MREG: variants seen among roughly 807,000 people sequenced by gnomAD.
MREG encodes dilute suppressor protein homolog.
MREG carries 31 observed loss-of-function variants against 28.5 expected under a neutral mutation model. That is an observed-to-expected ratio of 1.09 (90% CI 0.82 to 1.47). The LOEUF is 1.47. MREG is among the 40% of genes most tolerant of loss of function. MREG has a pLI of 0.00. For synonymous variants in MREG, 106 were observed against 95.2 expected (o/e 1.11, Z -0.66); for missense variants, 256 against 257.4 (o/e 0.99, Z 0.04).
At position 215,997,962 on chromosome 2, in the gene MREG, GCCC is replaced by G. The variant is rs1207374489; in HGVS notation, c.96-1500_96-1498del. Among the ~76,000 whole-genome samples the G allele has an allele frequency of 9.9e-5, 15 of 152,282 alleles. No homozygotes were observed. In the East Asian group the frequency reaches 2.9e-3, roughly 30 times the overall value. ...CCCACCCAGCTAGGGAGGGGCTCCAGCCCTAGAGTGATGAGGTACAGGTCAGAC... is the reference window on the plus strand; with the variant it reads ...CCCACCCAGCTAGGGAGGGGCTCCAGTAGAGTGATGAGGTACAGGTCAGAC... On this transcript the variant is annotated intron_variant, in intron 1 of 4. Transcript: ENST00000263268.
chr2:215,972,571 G>A (rs1693131490), intron 2 of MREG, among the ~76,000 whole-genome samples: 1 of 144,714 alleles, frequency 6.9e-6, no homozygotes. Context: ...AGCCGAGATT[G>A]TGCCACTGCA....
chr2:215,940,836 G>A (rs542394841), downstream of MREG, among the ~76,000 whole-genome samples: 97 of 152,144 alleles, frequency 6.4e-4, no homozygotes, highest in Non-Finnish European at 1.3e-3. Flanking sequence ...GTAAGTGTAT[G>A]TGTGTTGTGT....
At chr2:215,993,961 G>GAAGAGGGCTTTGTCGT (rs1559190718) in intron 2 of MREG, among the ~76,000 whole-genome samples, 2 of 152,094 alleles carry the variant, frequency 1.3e-5, no homozygotes, top group African/African-American at 4.8e-5. Flanking sequence ...TACACTGTTG[G>GAAGAGGGCTTTGTCGT]TGGGAGTGTA....
intron 2 of MREG, among the ~76,000 whole-genome samples, chr2:215,965,205 A>G (rs1239239825): frequency 6.6e-6 from 1 of 152,254 alleles, no homozygotes; most frequent in African/African-American, 2.4e-5. Context: ...CACAGGCCAT[A>G]ACTCATCTGA....
intron 1 of MREG, among the ~76,000 whole-genome samples, chr2:216,007,739 C>A (rs71351629): frequency 0.44 from 60,274 of 138,130 alleles, 12,256 homozygotes; most frequent in Admixed American, 0.52. Context: ...CCCCACTTAG[C>A]GGCTTTTTTT....
chr2:216,029,824 G>A (rs1694652672), intron 1 of MREG, among the ~76,000 whole-genome samples: 1 of 152,218 alleles, frequency 6.6e-6, no homozygotes, highest in African/African-American at 2.4e-5. Flanking sequence ...AAAAGGAGAT[G>A]GTTTAATGAA....
Position 216,013,225 on chromosome 2 carries a change from G to A in MREG, c.95+8C>T. ...AAGCCCAGATCCCGGCCCGGGCGGC[G>A]CACCCACCTGACGAGGGGCTCCTTC... On this transcript the variant is annotated splice_region_variant and intron_variant, in intron 1 of 4. Coordinates refer to ENST00000263268, the MANE Select transcript of MREG (RefSeq NM_018000.3). 1.9e-6 allele frequency: 3 copies of A among 1,548,048 alleles called. No homozygotes were observed. Among genetic ancestry groups the A allele is most frequent in the Non-Finnish European group, 1.7e-6 (2 of 1,146,294 alleles).
intron 1 of MREG, among the ~76,000 whole-genome samples, chr2:216,003,931 G>A (rs567831437): frequency 1.3e-5 from 2 of 152,318 alleles, no homozygotes; most frequent in Non-Finnish European, 2.9e-5. Flanking sequence ...AACAGCCAAA[G>A]TGATCCTTTT....
At chr2:216,015,568 A>G (rs141693582), upstream of MREG, among the ~76,000 whole-genome samples, 1 of 152,290 alleles carries the variant, frequency 6.6e-6, no homozygotes, top group Non-Finnish European at 1.5e-5. Flanking sequence ...AGAGGGAACG[A>G]TATGGTCTAA....
intron 2 of MREG, among the ~76,000 whole-genome samples, chr2:215,981,111 T>C (rs567328938): frequency 3.3e-5 from 5 of 152,144 alleles, no homozygotes; most frequent in Non-Finnish European, 7.3e-5. Flanking sequence ...AATTAATAAC[T>C]CATTAAATAA....
At chr2:215,954,605 T>C (rs1692574664) in intron 2 of MREG, among the ~76,000 whole-genome samples, 1 of 152,144 alleles carries the variant, frequency 6.6e-6, no homozygotes, top group Admixed American at 6.6e-5. Context: ...GTGCATCGAA[T>C]TCCAAAGCCC....
chr2:215,978,237 A>G (rs1224961028), intron 2 of MREG, among the ~76,000 whole-genome samples: 1 of 152,230 alleles, frequency 6.6e-6, no homozygotes, highest in Non-Finnish European at 1.5e-5. Flanking sequence ...AACTACCATC[A>G]GAGAATACTA....
At chr2:216,032,663 C>T (rs964107363) in intron 1 of MREG, 8 of 152,266 alleles carry the variant, frequency 5.3e-5, no homozygotes, top group African/African-American at 1.9e-4. Context: ...ACAGGAGGCT[C>T]AGTGCAAACT....
intron 2 of MREG, 123 bp downstream of exon 2, chr2:215,996,183 G>T: frequency 9.8e-7 from 1 of 1,023,684 alleles, no homozygotes. Context: ...TAAAATACCT[G>T]CCCTTCATTT....
At chr2:215,992,550 G>C (rs1482981346) in intron 2 of MREG, among the ~76,000 whole-genome samples, 3 of 152,082 alleles carry the variant, frequency 2.0e-5, no homozygotes, top group African/African-American at 7.2e-5. Flanking sequence ...ACATAGTATT[G>C]GAAGTTCTGG....
At chr2:216,008,859 T>C (rs1052151072) in intron 1 of MREG, among the ~76,000 whole-genome samples, 2 of 152,174 alleles carry the variant, frequency 1.3e-5, no homozygotes, top group Non-Finnish European at 2.9e-5. Flanking sequence ...ATCAGGAGCA[T>C]GAGGGCAGGG....
intron 3 of MREG, 80 bp from the exon 4 acceptor site, chr2:215,945,814 TA>T (rs1692304904): frequency 8.0e-7 from 1 of 1,248,104 alleles, no homozygotes; most frequent in Non-Finnish European, 1.1e-6. Context: ...TGCAGGAGAT[TA>T]CGAACAGACC....
intron 2 of MREG, among the ~76,000 whole-genome samples, chr2:215,994,618 A>G (rs200048039): frequency 7.3e-4 from 33 of 45,004 alleles, no homozygotes; most frequent in East Asian, 1.4e-3. Context: ...GAGGAAGAAG[A>G]AGAGAAGAAG....
At chr2:215,970,461 C>A (rs1482422883) in intron 2 of MREG, among the ~76,000 whole-genome samples, 2 of 152,200 alleles carry the variant, frequency 1.3e-5, no homozygotes, top group Non-Finnish European at 2.9e-5. Flanking sequence ...ATTTTGAATT[C>A]ACAAGATGAA....
Sources: gnomAD v4.1 joint callset for allele counts (sites outside exome capture counted in the v4.1 genomes callset) on GRCh38, gnomAD v4.1.1 for gene constraint, MANE v1.5 for transcripts, NCBI Gene and HGNC (gene_info 2026-07-23, HGNC 2026-07-21) for gene names.